Variants in DNAJC6 observed in about 807,000 individuals in gnomAD.
The protein encoded by DNAJC6 is DnaJ heat shock protein family (Hsp40) member C6.
DNAJC6 carries 34 observed loss-of-function variants against 110.0 expected under a neutral mutation model. The ratio of observed to expected loss-of-function variants is 0.31; its 90% confidence interval spans 0.24 to 0.41. DNAJC6 has a LOEUF of 0.41. DNAJC6 is among the 10% of genes least tolerant of loss of function. The probability of loss-of-function intolerance (pLI) is 1.00; values close to 1 mark genes in which losing one functional copy is unlikely to be tolerated. For missense variants in DNAJC6, 1,031 were observed against 1,207.8 expected, an observed-to-expected ratio of 0.85 and a Z score of 2.17; for synonymous variants, 406 against 437.2, an observed-to-expected ratio of 0.93 and a Z score of 0.89.
chr1:65,349,923 C>T (rs1645475620), intron 1 of DNAJC6, among the ~76,000 whole-genome samples: 1 of 152,006 alleles, frequency 6.6e-6, no homozygotes, highest in African/African-American at 2.4e-5. Context: ...GCTTAGAGTT[C>T]AGATAGGAGA....
intron 16 of DNAJC6, among the ~76,000 whole-genome samples, chr1:65,408,312 C>T (rs947635825): frequency 2.0e-5 from 3 of 152,126 alleles, no homozygotes; most frequent in African/African-American, 7.2e-5. Flanking sequence ...ATCCCAGTGC[C>T]AACACTGATA....
At chr1:65,364,498 G>A (rs1367078356) in intron 1 of DNAJC6, 137 bp from the exon 2 acceptor site, 1 of 1,067,846 alleles carries the variant, frequency 9.4e-7, no homozygotes, top group Non-Finnish European at 1.3e-6. Flanking sequence ...CTGAGAGTGG[G>A]ACACAATTTC....
intron 1 of DNAJC6, among the ~76,000 whole-genome samples, chr1:65,358,133 C>T (rs976510711): frequency 3.6e-5 from 5 of 137,308 alleles, no homozygotes; most frequent in African/African-American, 1.1e-4. Flanking sequence ...GAGCTGAGAT[C>T]GCACCACTAT....
upstream of DNAJC6, among the ~76,000 whole-genome samples, chr1:65,308,018 T>C (rs751682212): frequency 6.6e-6 from 1 of 152,202 alleles, no homozygotes; most frequent in Non-Finnish European, 1.5e-5. Context: ...TTCTGGTTGA[T>C]GCTCTTCCTA....
intron 18 of DNAJC6, among the ~76,000 whole-genome samples, chr1:65,412,283 A>C (rs1037839609): frequency 4.6e-5 from 7 of 152,256 alleles, no homozygotes; most frequent in African/African-American, 1.7e-4. Flanking sequence ...AAATGAAATC[A>C]TCATATAATA....
intron 17 of DNAJC6, 122 bp from the exon 18 acceptor site, chr1:65,411,128 C>G (rs1273252059): frequency 1.1e-6 from 1 of 899,222 alleles, no homozygotes; most frequent in Admixed American, 2.9e-5. Context: ...CAGCCTGGAT[C>G]ATACAGGTTG....
chr1:65,346,396 TTG>T (rs1158157846), intron 1 of DNAJC6, among the ~76,000 whole-genome samples: 1 of 141,400 alleles, frequency 7.1e-6, no homozygotes, highest in East Asian at 2.0e-4. Flanking sequence ...CATTTTTTTT[TTG>T]TCATTCCATA....
At chr1:65,346,686 G>A (rs934268676) in intron 1 of DNAJC6, among the ~76,000 whole-genome samples, 10 of 152,096 alleles carry the variant, frequency 6.6e-5, no homozygotes, top group Admixed American at 1.3e-4. Flanking sequence ...GGTAAGCCTA[G>A]CATGTTCCCT....
chr1:65,349,007 T>A (rs1321633995), intron 1 of DNAJC6, among the ~76,000 whole-genome samples: 4 of 145,164 alleles, frequency 2.8e-5, no homozygotes, highest in Non-Finnish European at 4.5e-5. Flanking sequence ...TAAATATATA[T>A]AAGTATATGT....
Position 65,415,137 on chromosome 1 carries a change from G to C in DNAJC6, c.*2112G>C, listed in dbSNP as rs533490723. ...GTCTTTGCATTCCTTTTAAATAACT[G>C]GTTGTGACAAAGCTTGTTGTTGATC... On this transcript the variant is annotated 3_prime_UTR_variant, in exon 19 of 19. Coordinates refer to ENST00000371069, the MANE Select transcript of DNAJC6 (RefSeq NM_001256864.2). The C allele has an allele frequency of 1.3e-5, 2 of 151,964 alleles. No individual in the cohort carries two copies. Among genetic ancestry groups the C allele is most frequent in the Non-Finnish European group, 2.9e-5 (2 of 68,004 alleles). 9.4% of individuals were successfully genotyped at this position (151,964 alleles called of 1,614,324 possible).
chr1:65,334,208 AG>A (rs1221767397), intron 1 of DNAJC6, among the ~76,000 whole-genome samples: 1 of 152,266 alleles, frequency 6.6e-6, no homozygotes, highest in East Asian at 1.9e-4. Context: ...TGACAGGAGA[AG>A]TAGGAGAACA....
intron 4 of DNAJC6, among the ~76,000 whole-genome samples, chr1:65,371,790 AG>A (rs1311450990): frequency 1.3e-5 from 2 of 152,180 alleles, no homozygotes; most frequent in Admixed American, 1.3e-4. Flanking sequence ...GAGATGTTCA[AG>A]GTGTTCAGGA....
chr1:65,398,484 G>C (rs369387319), intron 13 of DNAJC6, among the ~76,000 whole-genome samples: 3 of 152,154 alleles, frequency 2.0e-5, no homozygotes, highest in African/African-American at 7.2e-5. Flanking sequence ...TCCTGACTTC[G>C]AGGGACTGAC....
chr1:65,314,403 T>A (rs1014959565), intron 1 of DNAJC6, among the ~76,000 whole-genome samples: 1 of 152,182 alleles, frequency 6.6e-6, no homozygotes, highest in African/African-American at 2.4e-5. Context: ...TAAACATATA[T>A]GTACTAATAA....
chr1:65,360,939 G>A (rs959246261), intron 1 of DNAJC6, among the ~76,000 whole-genome samples: 1 of 152,192 alleles, frequency 6.6e-6, no homozygotes, highest in African/African-American at 2.4e-5. Flanking sequence ...GAGGAGAGCA[G>A]GGAATAGGAG....
chr1:65,351,723 A>G (rs182455723), intron 1 of DNAJC6, among the ~76,000 whole-genome samples: 27 of 152,348 alleles, frequency 1.8e-4, no homozygotes, highest in Admixed American at 5.2e-4. Context: ...ATATACTGCA[A>G]GAATGAATCA....
intron 4 of DNAJC6, among the ~76,000 whole-genome samples, chr1:65,367,629 G>A (rs903208235): frequency 1.3e-5 from 2 of 152,086 alleles, no homozygotes; most frequent in African/African-American, 4.8e-5. Flanking sequence ...ATAATCTGGA[G>A]CATTTTCCCT....
intron 14 of DNAJC6, 78 bp downstream of exon 14, chr1:65,398,959 A>G: frequency 6.9e-7 from 1 of 1,448,184 alleles, no homozygotes; most frequent in East Asian, 2.3e-5. Context: ...GTGAGTACTC[A>G]CAGAGTATTG....
chr1:65,383,392 A>G (rs760670994), intron 5 of DNAJC6, among the ~76,000 whole-genome samples: 1 of 152,112 alleles, frequency 6.6e-6, no homozygotes, highest in Non-Finnish European at 1.5e-5. Flanking sequence ...TCCTGAGCTT[A>G]GGCAATCTGC....
Sources: gnomAD v4.1 joint callset for allele counts (sites outside exome capture counted in the v4.1 genomes callset) on GRCh38, gnomAD v4.1.1 for gene constraint, MANE v1.5 for transcripts, NCBI Gene and HGNC (gene_info 2026-07-23, HGNC 2026-07-21) for gene names.